The following PELI1 variants were observed in gnomAD, a reference collection of about 807,000 sequenced individuals.
PELI1 encodes pellino E3 ubiquitin protein ligase 1.
Under a neutral mutation model 41.3 loss-of-function variants are expected in PELI1, and 15 were observed. That is an observed-to-expected ratio of 0.36 (90% CI 0.24 to 0.56). The LOEUF (loss-of-function observed/expected upper bound fraction) is 0.56. Among genes scored for constraint, PELI1 ranks in the 20% least tolerant of loss-of-function variants. PELI1 has a pLI of 0.82. For synonymous variants in PELI1, 178 were observed against 180.1 expected (o/e 0.99, Z 0.09); for missense variants, 403 against 525.5 (o/e 0.77, Z 2.28).
chr2:64,114,505 T>C (rs1680926042), intron 1 of PELI1, among the ~76,000 whole-genome samples: 1 of 152,182 alleles, frequency 6.6e-6, no homozygotes, highest in South Asian at 2.1e-4. Flanking sequence ...GTGAAGTCTA[T>C]GTTCCCCTTC....
chr2:64,100,959 A>G (rs531086096), intron 3 of PELI1, among the ~76,000 whole-genome samples: 11 of 152,162 alleles, frequency 7.2e-5, no homozygotes, highest in Middle Eastern at 3.4e-3. Context: ...TGAACTCCTG[A>G]GCTAAGGCAA....
At chr2:64,138,094 GTTTT>G (rs968404933) in intron 1 of PELI1, among the ~76,000 whole-genome samples, 1 of 151,728 alleles carries the variant, frequency 6.6e-6, no homozygotes, top group African/African-American at 2.4e-5. Context: ...AGTTACGCTA[GTTTT>G]TTTTGTTTTG....
rs778662681 is a variant in PELI1 at position 64,095,232 on chromosome 2, A to T, written c.727T>A (p.Leu243Ile). 1 of 1,614,062 alleles carries T rather than the reference A, an allele frequency of 6.2e-7. No individual in the cohort carries two copies. Among genetic ancestry groups the T allele is most frequent in the Non-Finnish European group, 8.5e-7 (1 of 1,179,954 alleles). The change falls in exon 7 of 7, where the codon TTA becomes ATA. Residue 243 changes from leucine (L) to isoleucine (I), a missense_variant. Transcript: ENST00000358912. ...IETNQLQDGS[L>I]IDLCGATLLW... ...AATGTTGCACCACAGAGGTCAATTA[A>T]CGAGCCATCTTGTAACTGATTGGTT...
chr2:64,105,415 A>G (rs1453474135), intron 2 of PELI1, among the ~76,000 whole-genome samples: 1 of 152,178 alleles, frequency 6.6e-6, no homozygotes, highest in Non-Finnish European at 1.5e-5. Flanking sequence ...AGATCTTATG[A>G]CCATTTCTCC....
Position 64,093,344 on chromosome 2 carries a change from A to G in PELI1, c.*1358T>C, listed in dbSNP as rs896746549. Reference sequence around the variant, plus strand: ...TAAAGGAAAACAAATCAAAATATTAAAAGAAGATACTGTCTAATCTAAAAG... The same window carrying G: ...TAAAGGAAAACAAATCAAAATATTAGAAGAAGATACTGTCTAATCTAAAAG... On this transcript the variant is annotated 3_prime_UTR_variant, in exon 7 of 7. Coordinates refer to ENST00000358912, the MANE Select transcript of PELI1 (RefSeq NM_020651.4). 1.1e-4 allele frequency: 17 copies of G among 152,656 alleles called. No individual in the cohort carries two copies. Among genetic ancestry groups the G allele is most frequent in the Admixed American group, 3.3e-4 (5 of 15,284 alleles). 9.5% of individuals were successfully genotyped at this position (152,656 alleles called of 1,614,324 possible). A position where few individuals can be genotyped will look rare whatever the true frequency, so the allele number is the denominator to read the frequency against.
intron 1 of PELI1, among the ~76,000 whole-genome samples, chr2:64,129,170 G>GA (rs1394130164): frequency 6.6e-6 from 1 of 151,836 alleles, no homozygotes; most frequent in Admixed American, 6.6e-5. Flanking sequence ...ATTTTGTTTT[G>GA]AAAAAAAGCC....
At chr2:64,121,258 CGG>C (rs1485463130) in intron 1 of PELI1, among the ~76,000 whole-genome samples, 1 of 152,104 alleles carries the variant, frequency 6.6e-6, no homozygotes, top group Non-Finnish European at 1.5e-5. Context: ...CTCAAGAAGC[CGG>C]ACATGACAAA....
chr2:64,093,981 T>C lies in PELI1; in HGVS notation c.*721A>G, dbSNP rs1251904158. On this transcript the variant is annotated 3_prime_UTR_variant, in exon 7 of 7. Coordinates refer to ENST00000358912, the MANE Select transcript of PELI1 (RefSeq NM_020651.4). ...GTTTCTTAGCATTAAGTTTTTGTTA[T>C]AGTACTACGCTCGAGAGAAACATTA... 2.0e-5 allele frequency: 3 copies of C among 152,688 alleles called. No homozygotes were observed. The highest frequency in any genetic ancestry group is 4.8e-5 in the African/African-American group (2 of 41,472). The allele number at this position is 152,688 out of a possible 1,614,324, so 9.5% of individuals were successfully genotyped here. A position where few individuals can be genotyped will look rare whatever the true frequency, so the allele number is the denominator to read the frequency against.
chr2:64,122,068 C>A (rs7604693), intron 1 of PELI1, among the ~76,000 whole-genome samples: 126,716 of 152,004 alleles, frequency 0.83, 53,382 homozygotes, highest in East Asian at 0.96. Context: ...TATATGCTTT[C>A]TTTACAATGA....
intron 1 of PELI1, among the ~76,000 whole-genome samples, chr2:64,115,446 C>T (rs764073859): frequency 3.9e-5 from 6 of 152,120 alleles, no homozygotes; most frequent in South Asian, 4.1e-4. Flanking sequence ...AATGCTTTCA[C>T]GTAAGATTAT....
At chr2:64,101,723 A>C (rs191593414) in intron 3 of PELI1, among the ~76,000 whole-genome samples, 1 of 152,316 alleles carries the variant, frequency 6.6e-6, no homozygotes, top group African/African-American at 2.4e-5. Context: ...AAATTTCCAA[A>C]TATACAAAGA....
intron 1 of PELI1, among the ~76,000 whole-genome samples, chr2:64,120,027 C>T (rs1441896692): frequency 6.6e-6 from 1 of 152,162 alleles, no homozygotes. Flanking sequence ...AATAGGTGAA[C>T]ATTCAATCAC....
intron 1 of PELI1, among the ~76,000 whole-genome samples, chr2:64,142,905 AAAAGT>A (rs1310648677): frequency 1.2e-4 from 18 of 152,342 alleles, no homozygotes; most frequent in South Asian, 8.3e-4. Flanking sequence ...CAGAGTAAGA[AAAAGT>A]AAAGAGCCTG....
At position 64,108,365 on chromosome 2, in the gene PELI1, C is replaced by T. The variant is rs148774995; in HGVS notation, c.-55G>A. The T allele has an allele frequency of 8.0e-4, 819 of 1,022,318 alleles. 4 individuals carry two copies. The African/African-American group carries it at 0.011, about 14-fold the overall frequency. 63.3% of individuals were successfully genotyped at this position (1,022,318 alleles called of 1,614,324 possible). Reference sequence around the variant, plus strand: ...TCACTGGTCAGGAGCCTTGGGACACCTTTTGCATTATTTCCTAGAGGGGAA... The same window carrying T: ...TCACTGGTCAGGAGCCTTGGGACACTTTTTGCATTATTTCCTAGAGGGGAA... On this transcript the variant is annotated 5_prime_UTR_variant, in exon 2 of 7. Coordinates refer to ENST00000358912, the MANE Select transcript of PELI1 (RefSeq NM_020651.4).
At chr2:64,139,636 T>A (rs1681830685) in intron 1 of PELI1, among the ~76,000 whole-genome samples, 1 of 152,244 alleles carries the variant, frequency 6.6e-6, no homozygotes, top group Non-Finnish European at 1.5e-5. Context: ...TTTTATGGTT[T>A]GTGTCTTATT....
At chr2:64,104,941 CATT>C in intron 2 of PELI1, 111 bp from the exon 3 acceptor site, 1 of 813,748 alleles carries the variant, frequency 1.2e-6, no homozygotes, top group South Asian at 2.4e-5. Context: ...TCTATTAACA[CATT>C]ATAATTATTT....
intron 1 of PELI1, among the ~76,000 whole-genome samples, chr2:64,133,996 A>G (rs1681641578): frequency 6.6e-6 from 1 of 152,068 alleles, no homozygotes; most frequent in South Asian, 2.1e-4. Flanking sequence ...GTTTTTCCAT[A>G]TGACAATTCT....
intron 1 of PELI1, among the ~76,000 whole-genome samples, chr2:64,131,796 T>C (rs1681566205): frequency 6.6e-6 from 1 of 152,022 alleles, no homozygotes; most frequent in African/African-American, 2.4e-5. Context: ...AATGTTTGTA[T>C]TTTTAGTAGA....
chr2:64,138,126 A>C (rs1249893314), intron 1 of PELI1, among the ~76,000 whole-genome samples: 1 of 151,950 alleles, frequency 6.6e-6, no homozygotes, highest in Non-Finnish European at 1.5e-5. Context: ...TTTTTTAGAC[A>C]GGATCTGGTT....
Sources: gnomAD v4.1 joint callset for allele counts (sites outside exome capture counted in the v4.1 genomes callset) on GRCh38, gnomAD v4.1.1 for gene constraint, MANE v1.5 for transcripts, NCBI Gene and HGNC (gene_info 2026-07-23, HGNC 2026-07-21) for gene names.